The following DNAH17 variants were observed in gnomAD, a reference collection of about 807,000 sequenced individuals.
DNAH17 encodes the protein dynein axonemal heavy chain 17, also known as axonemal beta dynein heavy chain 17.
Under a neutral mutation model 485.6 loss-of-function variants are expected in DNAH17, and 376 were observed. The ratio of observed to expected loss-of-function variants is 0.77; its 90% CI spans 0.71 to 0.84. The LOEUF (loss-of-function observed/expected upper bound fraction) is 0.84. DNAH17 is among the 40% of genes least tolerant of loss of function. The pLI, the probability that DNAH17 is intolerant of heterozygous loss-of-function variation, is 0.00. For missense variants in DNAH17, 6,370 were observed against 5,839.3 expected (o/e 1.09, Z -2.96); for synonymous variants, 3,031 against 2,405.9 (o/e 1.26, Z -7.60).
intron 44 of DNAH17, 109 bp from the exon 45 acceptor site, chr17:78,486,615 C>T (rs1598558194): frequency 7.4e-7 from 1 of 1,356,070 alleles, no homozygotes; most frequent in Admixed American, 2.6e-5. Context: ...CTGGGGCTGC[C>T]CTCAGGGTCA....
At chr17:78,459,454 G>A (rs778660685) in intron 60 of DNAH17, among the ~76,000 whole-genome samples, 11 of 152,232 alleles carry the variant, frequency 7.2e-5, no homozygotes, top group Non-Finnish European at 1.2e-4. Context: ...AGGTTAGAGG[G>A]ATGAGATGCA....
chr17:78,548,547 T>C (rs11868292), intron 16 of DNAH17, among the ~76,000 whole-genome samples: 34,470 of 152,070 alleles, frequency 0.23, 4,613 homozygotes, highest in African/African-American at 0.37. Flanking sequence ...GTTTACTAAA[T>C]AAAGAGCTTC....
intron 37 of DNAH17, among the ~76,000 whole-genome samples, chr17:78,498,612 C>T (rs954652278): frequency 2.0e-5 from 3 of 152,190 alleles, no homozygotes; most frequent in African/African-American, 7.2e-5. Flanking sequence ...CCAAAACACA[C>T]GGGCGCATTT....
chr17:78,548,440 G>A (rs924960426), intron 16 of DNAH17, among the ~76,000 whole-genome samples: 3 of 151,952 alleles, frequency 2.0e-5, no homozygotes, highest in African/African-American at 7.2e-5. Flanking sequence ...TCCTGACCTC[G>A]TGATCCACCC....
intron 24 of DNAH17, 37 bp downstream of exon 24, chr17:78,526,614 A>G: frequency 6.6e-7 from 1 of 1,521,792 alleles, no homozygotes; most frequent in African/African-American, 1.4e-5. Context: ...TGGGGTTCCC[A>G]GACTTACCCC....
chr17:78,571,819 G>A (rs775351124), intron 3 of DNAH17, 37 bp from the exon 4 acceptor site: 65 of 1,536,160 alleles, frequency 4.2e-5, no homozygotes, highest in Non-Finnish European at 5.1e-5. Context: ...CTCTCATGGC[G>A]ACACACACGT....
intron 48 of DNAH17, among the ~76,000 whole-genome samples, chr17:78,482,664 C>T (rs1024537681): frequency 3.3e-5 from 5 of 152,156 alleles, no homozygotes; most frequent in South Asian, 2.1e-4. Context: ...CCTTTCCCTG[C>T]GGGCCCATCC....
chr17:78,442,702 C>A (rs2087120967), intron 71 of DNAH17, among the ~76,000 whole-genome samples: 1 of 152,228 alleles, frequency 6.6e-6, no homozygotes, highest in African/African-American at 2.4e-5. Context: ...CGGCTGGTGA[C>A]AGCTTTCAGC....
chr17:78,576,497 C>T lies in DNAH17; in HGVS notation c.-26+798G>A, dbSNP rs140137718. Among the ~76,000 whole-genome samples, 565 of 152,282 alleles carry T rather than the reference C, an allele frequency of 3.7e-3. 4 individuals carry two copies. Among genetic ancestry groups the T allele is most frequent in the Admixed American group, 6.7e-3 (102 of 15,300 alleles). On this transcript the variant is annotated intron_variant, in intron 1 of 80. Transcript: ENST00000389840. ...CACCAGGCAAGTAGGAGGAGCACCGCGTGGCATTTATGGAGATGACTCGTT... is the reference window on the plus strand; with the variant it reads ...CACCAGGCAAGTAGGAGGAGCACCGTGTGGCATTTATGGAGATGACTCGTT...
chr17:78,496,454 CG>C (rs997014424), intron 37 of DNAH17, among the ~76,000 whole-genome samples: 2 of 26,728 alleles, frequency 7.5e-5, no homozygotes, highest in African/African-American at 2.0e-4. Flanking sequence ...CCAGTCACAG[CG>C]GGGGTGGTGG....
At chr17:78,512,948 A>G (rs2090674640) in intron 26 of DNAH17, among the ~76,000 whole-genome samples, 2 of 121,342 alleles carry the variant, frequency 1.6e-5, no homozygotes, top group East Asian at 4.4e-4. Context: ...CTCAAAAAAA[A>G]AAAAAAAAAA....
chr17:78,499,324 T>G, intron 36 of DNAH17: 1 of 400,244 alleles, frequency 2.5e-6, no homozygotes. Context: ...AGAGCCATCC[T>G]TTCACCCTTG....
chr17:78,571,748 C>T lies in DNAH17; in HGVS notation c.574G>A (p.Ala192Thr), dbSNP rs559175244. ...CAGTCGATGATGGTGGTTTCAATGG[C>T]GTGCAGGAGCAAGTTGTCCAGTGAA... Reference protein sequence around the residue: ...PSSLDNLLLHAIETTIIDWSH... With the variant: ...PSSLDNLLLHTIETTIIDWSH... The change falls in exon 4 of 81, where the codon GCC (alanine) becomes ACC (threonine). Residue 192 changes from alanine (A) to threonine (T), a missense_variant. Coordinates refer to ENST00000389840, the MANE Select transcript of DNAH17 (RefSeq NM_173628.4). The T allele has an allele frequency of 4.7e-5, 75 of 1,605,846 alleles. No homozygotes were observed. The South Asian group carries it at 7.5e-4, about 16-fold the overall frequency.
At chr17:78,500,753 C>T (rs991041253) in intron 35 of DNAH17, 2 of 230,056 alleles carry the variant, frequency 8.7e-6, no homozygotes, top group Non-Finnish European at 1.7e-5. Context: ...AGGTGATCCA[C>T]CCACCTCGGC....
intron 3 of DNAH17, 134 bp from the exon 4 acceptor site, chr17:78,571,916 G>A: frequency 7.4e-6 from 6 of 816,070 alleles, no homozygotes; most frequent in Non-Finnish European, 9.4e-6. Context: ...TGTCCCTGGT[G>A]CCTCCAGCCA....
intron 79 of DNAH17, 69 bp downstream of exon 79, chr17:78,426,388 G>A (rs777960033): frequency 2.0e-6 from 3 of 1,478,952 alleles, no homozygotes; most frequent in East Asian, 2.5e-5. Context: ...TCTAGGGTGT[G>A]GGGTGTGCCG....
At chr17:78,538,566 C>T (rs996638096) in intron 18 of DNAH17, among the ~76,000 whole-genome samples, 7 of 152,168 alleles carry the variant, frequency 4.6e-5, no homozygotes, top group African/African-American at 1.4e-4. Context: ...TTGGGACAAA[C>T]GGTCAATTGT....
At chr17:78,445,411 C>T in intron 70 of DNAH17, 147 bp downstream of exon 70, 2 of 1,157,334 alleles carry the variant, frequency 1.7e-6, no homozygotes, top group Middle Eastern at 3.0e-4. Context: ...ATCTTGGTCT[C>T]CATCCCTATG....
intron 25 of DNAH17, among the ~76,000 whole-genome samples, chr17:78,516,933 A>C (rs889254746): frequency 6.6e-6 from 1 of 152,366 alleles, no homozygotes; most frequent in Admixed American, 6.5e-5. Flanking sequence ...ACGCTCTTGT[A>C]TGGGAACATG....
Sources: gnomAD v4.1 joint callset for allele counts (sites outside exome capture counted in the v4.1 genomes callset) on GRCh38, gnomAD v4.1.1 for gene constraint, MANE v1.5 for transcripts, NCBI Gene and HGNC (gene_info 2026-07-23, HGNC 2026-07-21) for gene names.